The following ADGRB3 variants were observed in gnomAD, a reference collection of about 807,000 sequenced individuals.
ADGRB3 encodes the protein brain-specific angiogenesis inhibitor 3.
ADGRB3 carries 37 observed loss-of-function variants against 193.4 expected under a neutral mutation model. The ratio of observed to expected loss-of-function variants is 0.19; its 90% confidence interval spans 0.15 to 0.25. The LOEUF is 0.25. Among genes scored for constraint, ADGRB3 ranks in the 10% least tolerant of loss-of-function variants. ADGRB3 has a pLI of 1.00. For missense variants in ADGRB3, 1,637 were observed against 1,852.9 expected (o/e 0.88, Z 2.14); for synonymous variants, 690 against 644.2 (o/e 1.07, Z -1.08).
At chr6:68,982,951 A>G (rs888651095) in intron 10 of ADGRB3, among the ~76,000 whole-genome samples, 8 of 152,118 alleles carry the variant, frequency 5.3e-5, no homozygotes, top group Non-Finnish European at 7.4e-5. Flanking sequence ...AAAGATCTCT[A>G]CTTTCTGGAA....
intron 10 of ADGRB3, among the ~76,000 whole-genome samples, chr6:68,976,467 A>C (rs897480796): frequency 3.3e-5 from 5 of 152,124 alleles, no homozygotes; most frequent in Admixed American, 2.0e-4. Flanking sequence ...AGGGGCGCCA[A>C]CACCCAGGGC....
At chr6:69,251,765 T>G (rs2127267261) in intron 20 of ADGRB3, among the ~76,000 whole-genome samples, 1 of 152,202 alleles carries the variant, frequency 6.6e-6, no homozygotes, top group Middle Eastern at 3.4e-3. Context: ...ATAGCTACCC[T>G]TTTTGTTTAT....
In ADGRB3 at chr6:69,315,660, T is replaced by C. The variant is rs1256471332; in HGVS notation, c.2815-9212T>C. On this transcript the variant is annotated intron_variant, in intron 20 of 31. Coordinates refer to ENST00000370598, the MANE Select transcript of ADGRB3 (RefSeq NM_001704.3). Reference sequence around the variant, plus strand: ...AAATTTCTTTCCATAGCATAATTAATGAGTAAGCAGTTACCGGTGTGTCCA... The same window carrying C: ...AAATTTCTTTCCATAGCATAATTAACGAGTAAGCAGTTACCGGTGTGTCCA... Among the ~76,000 whole-genome samples, 7 of 151,438 alleles carry C rather than the reference T, an allele frequency of 4.6e-5. No individual in the cohort carries two copies. The East Asian group carries it at 1.4e-3, about 29-fold the overall frequency.
In ADGRB3 at chr6:69,200,249, C is replaced by T. The variant is rs748980305; in HGVS notation, c.2481-33041C>T. ...AGCTGAAGGGTTACAGGGTTACCTGCATTTCACAAAAGCAACCATTTTGGT... is the reference window on the plus strand; with the variant it reads ...AGCTGAAGGGTTACAGGGTTACCTGTATTTCACAAAAGCAACCATTTTGGT... On this transcript the variant is annotated intron_variant, in intron 17 of 31. Transcript: ENST00000370598. Among the ~76,000 whole-genome samples the T allele has an allele frequency of 2.3e-4, 35 of 151,848 alleles. 1 individual carries two copies. The highest frequency in any genetic ancestry group is 4.9e-4 in the Non-Finnish European group (33 of 67,970).
At chr6:68,783,201 C>T (rs1315721655) in intron 3 of ADGRB3, among the ~76,000 whole-genome samples, 1 of 150,522 alleles carries the variant, frequency 6.6e-6, no homozygotes, top group Non-Finnish European at 1.5e-5. Context: ...GTATAGTGCC[C>T]ACGGTGACAA....
intron 20 of ADGRB3, among the ~76,000 whole-genome samples, chr6:69,296,752 T>C (rs1028207505): frequency 6.6e-6 from 1 of 152,094 alleles, no homozygotes; most frequent in Non-Finnish European, 1.5e-5. Context: ...ATGAGGGAGA[T>C]AGAGACCAAG....
chr6:68,921,346 G>A (rs192581048), intron 3 of ADGRB3, among the ~76,000 whole-genome samples: 284 of 152,236 alleles, frequency 1.9e-3, no homozygotes, highest in African/African-American at 5.9e-3. Flanking sequence ...GTATCAACAA[G>A]GCAGGAATAA....
intron 17 of ADGRB3, among the ~76,000 whole-genome samples, chr6:69,184,729 A>G (rs1047549410): frequency 6.6e-6 from 1 of 152,132 alleles, no homozygotes; most frequent in Non-Finnish European, 1.5e-5. Context: ...AGCCCAAAAG[A>G]AAACCTCCTA....
intron 3 of ADGRB3, among the ~76,000 whole-genome samples, chr6:68,827,724 G>A (rs932492200): frequency 7.2e-5 from 11 of 152,100 alleles, no homozygotes; most frequent in Non-Finnish European, 1.5e-4. Flanking sequence ...ATGTCTACAA[G>A]ATGGTCAGAA....
intron 20 of ADGRB3, among the ~76,000 whole-genome samples, chr6:69,302,793 C>T (rs1026040450): frequency 6.6e-6 from 1 of 151,916 alleles, no homozygotes; most frequent in African/African-American, 2.4e-5. Flanking sequence ...AAGCTCTAAA[C>T]AATAAACTCC....
intron 28 of ADGRB3, among the ~76,000 whole-genome samples, chr6:69,360,221 C>A (rs1391081764): frequency 6.6e-6 from 1 of 151,772 alleles, no homozygotes; most frequent in Non-Finnish European, 1.5e-5. Flanking sequence ...CAAGGGCATT[C>A]CAGCTTATAG....
chr6:68,928,227 T>A (rs1384149715), intron 3 of ADGRB3, among the ~76,000 whole-genome samples: 2 of 152,126 alleles, frequency 1.3e-5, no homozygotes, highest in Non-Finnish European at 2.9e-5. Flanking sequence ...AATGTGACAC[T>A]TTTAAAATCA....
intron 17 of ADGRB3, among the ~76,000 whole-genome samples, chr6:69,154,007 A>T (rs4706883): frequency 0.59 from 89,649 of 151,894 alleles, 27,543 homozygotes; most frequent in East Asian, 0.99. Flanking sequence ...AAAAAGAAAC[A>T]TAAGAATAAA....
intron 24 of ADGRB3, among the ~76,000 whole-genome samples, chr6:69,334,086 C>T (rs533054311): frequency 2.6e-5 from 4 of 151,796 alleles, no homozygotes; most frequent in Non-Finnish European, 4.4e-5. Flanking sequence ...AAGGTGACAT[C>T]ATCCTTTATC....
intron 8 of ADGRB3, among the ~76,000 whole-genome samples, chr6:68,970,605 C>T (rs1408220740): frequency 1.3e-5 from 2 of 152,136 alleles, no homozygotes; most frequent in African/African-American, 4.8e-5. Context: ...TGTGCCTGTC[C>T]CAGACTGCAT....
chr6:68,780,783 A>G (rs887433193), intron 3 of ADGRB3, among the ~76,000 whole-genome samples: 5 of 152,096 alleles, frequency 3.3e-5, no homozygotes, highest in East Asian at 1.9e-4. Flanking sequence ...GTTTCCCCCA[A>G]TGGTAACTAA....
chr6:68,883,441 A>G lies in ADGRB3; in HGVS notation c.758-47118A>G, dbSNP rs549792821. On this transcript the variant is annotated intron_variant, in intron 3 of 31. Transcript: ENST00000370598. ...GTTGCGTCTCCTTCCACGTTGTAGG[A>G]GCTTTGTTTATTTGCTCTTTGCAAT... Among the ~76,000 whole-genome samples the G allele has an allele frequency of 6.6e-5, 10 of 152,280 alleles. No individual in the cohort carries two copies. In the South Asian group the frequency reaches 2.1e-3, roughly 32 times the overall value.
chr6:68,983,455 T>C lies in ADGRB3; in HGVS notation c.1734+8115T>C, dbSNP rs144792944. Among the ~76,000 whole-genome samples, 16 of 149,022 alleles carry C rather than the reference T, an allele frequency of 1.1e-4. 1 individual carries two copies. In the Admixed American group the frequency reaches 1.1e-3, roughly 10 times the overall value. ...TATAGGATAGAATATAATTGTATAG[T>C]ATATAACATATATATAGTATATATA... is the stretch of plus-strand genomic sequence containing the variant. On this transcript the variant is annotated intron_variant, in intron 10 of 31. Transcript: ENST00000370598.
chr6:69,240,520 A>T (rs1409995733), intron 20 of ADGRB3, among the ~76,000 whole-genome samples: 1 of 152,034 alleles, frequency 6.6e-6, no homozygotes, highest in Non-Finnish European at 1.5e-5. Context: ...TTAAAAGGAA[A>T]TACAAAGTAA....
Sources: gnomAD v4.1 joint callset for allele counts (sites outside exome capture counted in the v4.1 genomes callset) on GRCh38, gnomAD v4.1.1 for gene constraint, MANE v1.5 for transcripts, NCBI Gene and HGNC (gene_info 2026-07-23, HGNC 2026-07-21) for gene names.